TRIM52: variants seen among roughly 807,000 people sequenced by gnomAD.
The protein encoded by TRIM52 is E3 ubiquitin-protein ligase TRIM52.
In TRIM52, 24 loss-of-function variants were observed where a neutral mutation model predicts 27.0. The observed-to-expected ratio is 0.89, with a 90% CI of 0.64 to 1.25. The LOEUF is 1.25. Among genes scored for constraint, TRIM52 ranks in the 50% most tolerant of loss-of-function variants. TRIM52 has a pLI of 0.00. For synonymous variants in TRIM52, 125 were observed against 126.5 expected (o/e 0.99, Z 0.08); for missense variants, 351 against 354.7 (o/e 0.99, Z 0.08).
chr5:181,257,247 G>A (rs1457754824), intron 1 of TRIM52: 6 of 1,294,316 alleles, frequency 4.6e-6, no homozygotes, highest in Non-Finnish European at 5.9e-6. Context: ...TGTAAAATAA[G>A]TAAGGCTTTC....
At position 181,260,638 on chromosome 5, in the gene TRIM52, T is replaced by C. The variant is rs758282246; in HGVS notation, c.176A>G (p.Glu59Gly). The C allele has an allele frequency of 4.3e-6, 7 of 1,613,898 alleles. No homozygotes were observed. Among genetic ancestry groups the C allele is most frequent in the Non-Finnish European group, 5.9e-6 (7 of 1,179,968 alleles). The part of the protein sequence containing the change: ...SKEDEEDQNE[E>G]EDEWEEEEDE... ...CTCCTCCTCCTCCCATTCATCTTCC[T>C]CCTCGTTCTGGTCCTCCTCGTCCTC... is the stretch of plus-strand genomic sequence containing the variant. Residue 59 changes from glutamate (E) to glycine (G), a missense_variant, in exon 1 of 2, where the codon GAG (glutamate) becomes GGG (glycine). Glu to Gly is a moderately conservative substitution (Grantham distance 98). Coordinates refer to ENST00000688015, the MANE Select transcript of TRIM52 (RefSeq NM_001346048.2). This position sits in a 1 kb window ranked among gnomAD's most constrained non-coding sequence, Gnocchi z 4.4.
downstream of TRIM52, among the ~76,000 whole-genome samples, chr5:181,251,918 G>GC (rs1481147135): frequency 1.3e-5 from 2 of 152,092 alleles, no homozygotes; most frequent in East Asian, 1.9e-4. Flanking sequence ...ACTAGGTTTT[G>GC]CCCCCCATCC....
downstream of TRIM52, among the ~76,000 whole-genome samples, chr5:181,253,146 C>T (rs777024454): frequency 1.4e-5 from 2 of 141,322 alleles, no homozygotes; most frequent in African/African-American, 3.0e-5. Flanking sequence ...AGTGATTCTC[C>T]TGCCTCAGCC....
At chr5:181,251,185 C>T (rs534678076), downstream of TRIM52, among the ~76,000 whole-genome samples, 3 of 151,748 alleles carry the variant, frequency 2.0e-5, no homozygotes, top group East Asian at 5.8e-4. Context: ...TCCCAGCTAC[C>T]CTGGAGGCTG....
At chr5:181,254,431 G>C (rs1332049023), downstream of TRIM52, 3 of 151,212 alleles carry the variant, frequency 2.0e-5, no homozygotes, top group African/African-American at 7.4e-5. Context: ...CTGGAGTGCA[G>C]TGACGGCGAT....
downstream of TRIM52, among the ~76,000 whole-genome samples, chr5:181,250,816 C>G (rs1370906208): frequency 6.6e-6 from 1 of 152,204 alleles, no homozygotes; most frequent in Non-Finnish European, 1.5e-5. Context: ...AAATCACATC[C>G]TTTGCTGTAG....
rs1759729230 is a variant in TRIM52 at position 181,255,314 on chromosome 5, A to G, written c.*1495T>C. The stretch of plus-strand genomic sequence containing the variant: ...AAGCTAGATATATCAAAACATTAAA[A>G]AATAAAAAAGCTTTTTAAGGTGTAA... On this transcript the variant is annotated 3_prime_UTR_variant, in exon 2 of 2. Coordinates refer to ENST00000688015, the MANE Select transcript of TRIM52 (RefSeq NM_001346048.2). The G allele has an allele frequency of 6.6e-6, 1 of 152,236 alleles. No individual in the cohort carries two copies. Among genetic ancestry groups the G allele is most frequent in the African/African-American group, 2.4e-5 (1 of 41,454 alleles). The allele number at this position is 152,236 out of a possible 1,614,324, so 9.4% of individuals were successfully genotyped here. A position where few individuals can be genotyped will look rare whatever the true frequency, so the allele number is the denominator to read the frequency against.
chr5:181,249,117 C>T (rs1001699435), downstream of TRIM52, among the ~76,000 whole-genome samples: 2 of 152,118 alleles, frequency 1.3e-5, no homozygotes, highest in Admixed American at 6.5e-5. Flanking sequence ...CTTATTGTCA[C>T]GGTGCAGGCT....
At chr5:181,252,294 G>C (rs1373160172), downstream of TRIM52, among the ~76,000 whole-genome samples, 2 of 152,176 alleles carry the variant, frequency 1.3e-5, no homozygotes, top group African/African-American at 4.8e-5. Flanking sequence ...GACTTTGGTT[G>C]TACAGAACTG....
chr5:181,251,805 A>G (rs1759640303), downstream of TRIM52, among the ~76,000 whole-genome samples: 1 of 152,154 alleles, frequency 6.6e-6, no homozygotes, highest in African/African-American at 2.4e-5. Context: ...CTGTCCTCTC[A>G]TTAACTCTGT....
In TRIM52 at chr5:181,260,942, C is replaced by T. The variant is rs982812949; in HGVS notation, c.-129G>A. On this transcript the variant is annotated 5_prime_UTR_variant, in exon 1 of 2. Coordinates refer to ENST00000688015, the MANE Select transcript of TRIM52 (RefSeq NM_001346048.2). This position sits in a 1 kb window ranked among gnomAD's most constrained non-coding sequence, Gnocchi z 4.4. ...TCAACCTTGCTCTTCTTCCTCGGGG[C>T]CGCAGGGGAGCTTTGACCCCCTCTC... 2.9e-6 allele frequency: 4 copies of T among 1,374,784 alleles called. No homozygotes were observed. The South Asian group carries it at 6.2e-5, about 21-fold the overall frequency. The allele number at this position is 1,374,784 out of a possible 1,614,324, so 85.2% of individuals were successfully genotyped here.
downstream of TRIM52, among the ~76,000 whole-genome samples, chr5:181,253,394 G>T (rs1441018981): frequency 7.0e-6 from 1 of 142,642 alleles, no homozygotes; most frequent in African/African-American, 2.9e-5. Flanking sequence ...TCAAGAGTAG[G>T]TGTTCCACTT....
downstream of TRIM52, among the ~76,000 whole-genome samples, chr5:181,254,244 CGT>C (rs1169771455): frequency 3.7e-5 from 5 of 135,816 alleles, 1 homozygote; most frequent in Non-Finnish European, 3.0e-5. Flanking sequence ...GAGCCGAGAT[CGT>C]GCCACCACAC....
At position 181,260,115 on chromosome 5, in the gene TRIM52, G is replaced by A. The variant is rs764929092; in HGVS notation, c.699C>T (p.Ala233=). The part of the protein sequence containing the change: ...DQGMCFKHQE[A]LKLFCEVDKE... Reference sequence around the variant, plus strand: ...TGTCCACCTCACAGAAGAGTTTCAGGGCTTCCTGGTGTTTAAAGCACATGC... The same window carrying A: ...TGTCCACCTCACAGAAGAGTTTCAGAGCTTCCTGGTGTTTAAAGCACATGC... The change falls in exon 1 of 2, where the codon GCC becomes GCT. Residue 233 remains alanine, a synonymous_variant. Transcript: ENST00000688015. The surrounding 1 kb of genome is among the most constrained non-coding windows in gnomAD (Gnocchi z 4.4). 1.2e-6 allele frequency: 2 copies of A among 1,614,180 alleles called. No individual in the cohort carries two copies. Among genetic ancestry groups the A allele is most frequent in the Non-Finnish European group, 1.7e-6 (2 of 1,180,036 alleles).
At chr5:181,252,737 G>A (rs1759666659), downstream of TRIM52, among the ~76,000 whole-genome samples, 2 of 152,180 alleles carry the variant, frequency 1.3e-5, no homozygotes, top group South Asian at 4.1e-4. Flanking sequence ...TTTAGGGACT[G>A]ATGTTATATT....
Position 181,255,638 on chromosome 5 carries a change from A to G in TRIM52, c.*1171T>C, listed in dbSNP as rs533433480. The G allele has an allele frequency of 3.9e-5, 6 of 152,354 alleles. No individual in the cohort carries two copies. The East Asian group carries it at 1.2e-3, about 29-fold the overall frequency. The allele number at this position is 152,354 out of a possible 1,614,324, so 9.4% of individuals were successfully genotyped here. A position where few individuals can be genotyped will look rare whatever the true frequency, so the allele number is the denominator to read the frequency against. On this transcript the variant is annotated 3_prime_UTR_variant, in exon 2 of 2. Coordinates refer to ENST00000688015, the MANE Select transcript of TRIM52 (RefSeq NM_001346048.2). ...GAATCTGGTCCTTGAAAGACTAGCC[A>G]AGAAAATTAGACATTTTTAGCATTA...
chr5:181,260,064 T>G lies in TRIM52; in HGVS notation c.750A>C (p.Arg250=). 1 of 1,614,176 alleles carries G rather than the reference T, an allele frequency of 6.2e-7. No homozygotes were observed. Among genetic ancestry groups the G allele is most frequent in the South Asian group, 1.1e-5 (1 of 91,082 alleles). The change falls in exon 1 of 2, where the codon CGA becomes CGC. Residue 250 remains arginine, a synonymous_variant. Transcript: ENST00000688015. This position sits in a 1 kb window ranked among gnomAD's most constrained non-coding sequence, Gnocchi z 4.4. ...VDKEAICVVC[R]ESRSHKQHSV... ...TGTGCTGTTTGTGGCTCCTGGATTC[T>G]CGGCACACCACACAGATGGCCTCTT...
intron 1 of TRIM52, chr5:181,257,557 C>T (rs1478413556): frequency 1.5e-6 from 2 of 1,369,024 alleles, no homozygotes; most frequent in East Asian, 4.9e-5. Flanking sequence ...ATAATGTATA[C>T]TGTATTAAAT....
downstream of TRIM52, among the ~76,000 whole-genome samples, chr5:181,252,142 A>G (rs1759647616): frequency 6.6e-6 from 1 of 152,152 alleles, no homozygotes; most frequent in South Asian, 2.1e-4. Flanking sequence ...GTCAGATTTT[A>G]AAAATAAAAT....
Sources: gnomAD v4.1 joint callset for allele counts (sites outside exome capture counted in the v4.1 genomes callset) on GRCh38, gnomAD v4.1.1 for gene constraint, Gnocchi (gnomAD v3.1) non-coding constraint, MANE v1.5 for transcripts, NCBI Gene and HGNC (gene_info 2026-07-23, HGNC 2026-07-21) for gene names.